The following DIAPH3 variants were observed in gnomAD, a reference collection of about 807,000 sequenced individuals.
DIAPH3 encodes protein diaphanous homolog 3.
Under a neutral mutation model 144.3 loss-of-function variants are expected in DIAPH3, and 117 were observed. That is an observed-to-expected ratio of 0.81 (90% confidence interval 0.70 to 0.95). The LOEUF is 0.95. Among genes scored for constraint, DIAPH3 ranks in the 40% least tolerant of loss-of-function variants. The probability of loss-of-function intolerance (pLI) is 0.00; values close to 1 mark genes in which losing one functional copy is unlikely to be tolerated. For missense variants in DIAPH3, 1,421 were observed against 1,412.7 expected, an observed-to-expected ratio of 1.01 and a Z score of -0.09; for synonymous variants, 519 against 488.9, an observed-to-expected ratio of 1.06 and a Z score of -0.81.
rs1555383954 is a variant in DIAPH3 at position 60,138,785 on chromosome 13, G to GAGGGAAGAGGGAAGA, written c.181-5797_181-5796insTCTTCCCTCTTCCCT. Among the ~76,000 whole-genome samples the GAGGGAAGAGGGAAGA allele has an allele frequency of 1.6e-3, 121 of 76,012 alleles. 1 individual carries two copies. Among genetic ancestry groups the GAGGGAAGAGGGAAGA allele is most frequent in the Middle Eastern group, 6.3e-3 (1 of 160 alleles). 49.9% of individuals were successfully genotyped at this position (76,012 alleles called of 152,430 possible). On this transcript the variant is annotated intron_variant, in intron 1 of 27. Coordinates refer to ENST00000400324, the MANE Select transcript of DIAPH3 (RefSeq NM_001042517.2). The stretch of plus-strand genomic sequence containing the variant: ...AGAAGGAGAAGGAGAAGGAGAAGAA[G>GAGGGAAGAGGGAAGA]GGGAAGAGGGAAGAGGGAAGAGGGA...
intron 26 of DIAPH3, among the ~76,000 whole-genome samples, 190 bp downstream of exon 26, chr13:59,774,538 C>T (rs905131346): frequency 1.3e-5 from 2 of 152,154 alleles, no homozygotes; most frequent in African/African-American, 4.8e-5. Flanking sequence ...CTACTGACAT[C>T]GGCCAACTGG....
intron 14 of DIAPH3, among the ~76,000 whole-genome samples, chr13:59,975,125 C>T (rs188059864): frequency 4.7e-4 from 72 of 151,984 alleles, no homozygotes; most frequent in African/African-American, 1.6e-3. Context: ...TGCATTCAAA[C>T]ACATTCAACT....
At chr13:60,037,691 A>G (rs1343293071) in intron 5 of DIAPH3, among the ~76,000 whole-genome samples, 1 of 152,064 alleles carries the variant, frequency 6.6e-6, no homozygotes, top group Non-Finnish European at 1.5e-5. Context: ...AGCAGTTTGG[A>G]TGATGAACCT....
At chr13:59,688,815 G>A (rs908921047) in intron 27 of DIAPH3, among the ~76,000 whole-genome samples, 1 of 151,972 alleles carries the variant, frequency 6.6e-6, no homozygotes, top group Admixed American at 6.6e-5. Context: ...ATGCTACCAA[G>A]TACCCATTTA....
chr13:59,679,673 A>G (rs1259032299), intron 27 of DIAPH3, among the ~76,000 whole-genome samples: 2 of 152,354 alleles, frequency 1.3e-5, no homozygotes, highest in South Asian at 4.1e-4. Context: ...TAAAAGAGCT[A>G]TAAGTGTTAG....
At chr13:60,133,804 T>C (rs531843732) in intron 1 of DIAPH3, among the ~76,000 whole-genome samples, 1 of 152,280 alleles carries the variant, frequency 6.6e-6, no homozygotes, top group East Asian at 1.9e-4. Flanking sequence ...CCAATTCTCC[T>C]TTCTCTTATT....
chr13:59,878,741 G>A (rs780947281), intron 21 of DIAPH3, among the ~76,000 whole-genome samples: 5 of 151,936 alleles, frequency 3.3e-5, no homozygotes, highest in East Asian at 1.9e-4. Flanking sequence ...AATAATATCC[G>A]AGTTGCATAT....
chr13:59,978,315 G>A (rs1291916408), intron 14 of DIAPH3, among the ~76,000 whole-genome samples: 7 of 151,536 alleles, frequency 4.6e-5, no homozygotes, highest in African/African-American at 1.7e-4. Flanking sequence ...AGAAATCTTT[G>A]AGAGGTCATT....
intron 17 of DIAPH3, among the ~76,000 whole-genome samples, chr13:59,943,566 G>A (rs182605946): frequency 2.6e-5 from 4 of 152,178 alleles, no homozygotes; most frequent in African/African-American, 9.6e-5. Context: ...CCAAATCACT[G>A]AGTTAGGCTC....
intron 22 of DIAPH3, among the ~76,000 whole-genome samples, chr13:59,840,312 A>T (rs1368860966): frequency 6.6e-6 from 1 of 152,218 alleles, no homozygotes; most frequent in Non-Finnish European, 1.5e-5. Context: ...GAATGAATAC[A>T]GTAATTCAAG....
intron 3 of DIAPH3, among the ~76,000 whole-genome samples, chr13:60,108,336 C>G (rs111655406): frequency 0.023 from 3,490 of 152,238 alleles, 138 homozygotes; most frequent in African/African-American, 0.079. Context: ...AGGCCAGGCA[C>G]GGTGGCTCAC....
At chr13:60,121,960 C>G (rs1488227573) in intron 2 of DIAPH3, among the ~76,000 whole-genome samples, 1 of 152,106 alleles carries the variant, frequency 6.6e-6, no homozygotes, top group African/African-American at 2.4e-5. Flanking sequence ...TCTAACCTGC[C>G]TCCATCTCTT....
intron 5 of DIAPH3, among the ~76,000 whole-genome samples, chr13:60,035,278 C>T (rs1255481716): frequency 6.6e-6 from 1 of 152,012 alleles, no homozygotes; most frequent in African/African-American, 2.4e-5. Flanking sequence ...AAAGCCAAAG[C>T]TTTTAAGATA....
intron 17 of DIAPH3, among the ~76,000 whole-genome samples, chr13:59,938,492 CT>C (rs1420899783): frequency 6.6e-6 from 1 of 151,958 alleles, no homozygotes; most frequent in African/African-American, 2.4e-5. Context: ...ACCTGTAGTG[CT>C]AGCTACTCAG....
At chr13:60,099,926 AGGAAGGAAGGAAGGAAGGAAG>A (rs2058219655) in intron 3 of DIAPH3, among the ~76,000 whole-genome samples, 2 of 130,494 alleles carry the variant, frequency 1.5e-5, no homozygotes, top group Admixed American at 7.2e-5. Context: ...GAAGGAAGGA[AGGAAGGAAGGAAGGAAGGAAG>A]GAAGGAAGGA....
intron 25 of DIAPH3, among the ~76,000 whole-genome samples, chr13:59,783,570 G>A (rs568345428): frequency 2.3e-4 from 35 of 152,204 alleles, no homozygotes; most frequent in Non-Finnish European, 4.4e-4. Context: ...AAGAGTACAA[G>A]CATAGTAAAG....
chr13:59,831,163 G>A (rs2041756958), intron 24 of DIAPH3, among the ~76,000 whole-genome samples: 1 of 151,814 alleles, frequency 6.6e-6, no homozygotes, highest in South Asian at 2.1e-4. Context: ...GCATTTAGAA[G>A]AATGCCTGGC....
chr13:59,831,370 G>A (rs1593590284), intron 24 of DIAPH3, among the ~76,000 whole-genome samples: 2 of 151,760 alleles, frequency 1.3e-5, no homozygotes, highest in Non-Finnish European at 2.9e-5. Flanking sequence ...AATGTGCAAA[G>A]GGCAGTCTTC....
At chr13:60,065,606 A>G (rs1336823120) in intron 4 of DIAPH3, among the ~76,000 whole-genome samples, 1 of 152,228 alleles carries the variant, frequency 6.6e-6, no homozygotes, top group African/African-American at 2.4e-5. Flanking sequence ...CTGCTGTTAC[A>G]GTATCTCAAA....
Sources: allele counts gnomAD v4.1 joint callset (sites outside exome capture counted in the v4.1 genomes callset), GRCh38; gene constraint gnomAD v4.1.1; transcripts MANE v1.5; gene names NCBI Gene and HGNC (gene_info 2026-07-23, HGNC 2026-07-21).